Variants in PTPRD observed in about 807,000 individuals in gnomAD.
The protein encoded by PTPRD is receptor-type tyrosine-protein phosphatase delta.
In PTPRD, 34 loss-of-function variants were observed where a neutral mutation model predicts 214.5. The ratio of observed to expected loss-of-function variants is 0.16; its 90% CI spans 0.12 to 0.21. The LOEUF (loss-of-function observed/expected upper bound fraction) is 0.21, where lower values mean the gene tolerates loss of function less well. Among genes scored for constraint, PTPRD ranks in the 10% least tolerant of loss-of-function variants. The pLI is 1.00. For missense variants in PTPRD, 2,545 were observed against 2,398.7 expected, an observed-to-expected ratio of 1.06 and a Z score of -1.27; for synonymous variants, 1,128 against 845.7, an observed-to-expected ratio of 1.33 and a Z score of -5.79.
intron 5 of PTPRD, among the ~76,000 whole-genome samples, chr9:9,866,247 A>T (rs1259145956): frequency 6.6e-6 from 1 of 152,150 alleles, no homozygotes; most frequent in Non-Finnish European, 1.5e-5. Context: ...TCATAGCCTT[A>T]ATCAGTTGTA....
chr9:10,238,032 T>C (rs897787013), intron 3 of PTPRD, among the ~76,000 whole-genome samples: 1 of 119,080 alleles, frequency 8.4e-6, no homozygotes, highest in African/African-American at 2.6e-5. Context: ...TCCCATTTGC[T>C]TTTTTTTTTA....
At chr9:10,451,416 T>C (rs1191534275) in intron 2 of PTPRD, among the ~76,000 whole-genome samples, 1 of 151,864 alleles carries the variant, frequency 6.6e-6, no homozygotes, top group African/African-American at 2.4e-5. Context: ...TGTGGCTTTT[T>C]CTTTTTTAAT....
chr9:8,460,210 T>C (rs953603526), intron 33 of PTPRD: 10 of 675,466 alleles, frequency 1.5e-5, no homozygotes, highest in Admixed American at 5.1e-5. Context: ...CAGAAGTCTA[T>C]ACCAAAACTG....
At chr9:10,480,660 A>T (rs2099092211) in intron 2 of PTPRD, among the ~76,000 whole-genome samples, 1 of 152,074 alleles carries the variant, frequency 6.6e-6, no homozygotes, top group South Asian at 2.1e-4. Context: ...AATAAAAACA[A>T]TTTTACAGAT....
At chr9:9,282,270 A>G (rs1947986012) in intron 9 of PTPRD, among the ~76,000 whole-genome samples, 1 of 151,194 alleles carries the variant, frequency 6.6e-6, no homozygotes, top group Non-Finnish European at 1.5e-5. Flanking sequence ...ATGCTACCAA[A>G]TGTACCATTC....
intron 39 of PTPRD, among the ~76,000 whole-genome samples, chr9:8,350,165 A>G (rs1186962303): frequency 6.6e-6 from 1 of 152,176 alleles, no homozygotes; most frequent in Non-Finnish European, 1.5e-5. Flanking sequence ...TAATGTGCAA[A>G]AAGAAAAAAT....
At chr9:9,503,451 C>A (rs2096485043) in intron 8 of PTPRD, among the ~76,000 whole-genome samples, 1 of 151,630 alleles carries the variant, frequency 6.6e-6, no homozygotes, top group African/African-American at 2.4e-5. Flanking sequence ...CAATAGGGGG[C>A]TTAGGTTCAA....
intron 3 of PTPRD, among the ~76,000 whole-genome samples, chr9:10,222,220 CT>C (rs1282601576): frequency 6.6e-6 from 1 of 151,956 alleles, no homozygotes; most frequent in Non-Finnish European, 1.5e-5. Context: ...ACAACTTTTC[CT>C]GCTATGAGAG....
intron 2 of PTPRD, among the ~76,000 whole-genome samples, chr9:10,357,945 A>G (rs7867676): frequency 3.3e-5 from 5 of 152,122 alleles, no homozygotes; most frequent in African/African-American, 1.2e-4. Context: ...TCCAAGCTAA[A>G]GCAATATTGA....
chr9:8,754,197 G>GAATT (rs1221859926), intron 11 of PTPRD, among the ~76,000 whole-genome samples: 4 of 152,104 alleles, frequency 2.6e-5, no homozygotes, highest in African/African-American at 9.7e-5. Context: ...GTTTATCTAT[G>GAATT]AATTCACTGT....
intron 14 of PTPRD, among the ~76,000 whole-genome samples, chr9:8,594,682 G>C (rs908991101): frequency 1.8e-4 from 27 of 151,992 alleles, no homozygotes; most frequent in Non-Finnish European, 2.6e-4. Flanking sequence ...CTCTCGCTCT[G>C]TCTTGCCTGC....
At chr9:8,511,979 G>C (rs1011489683) in intron 21 of PTPRD, among the ~76,000 whole-genome samples, 8 of 152,088 alleles carry the variant, frequency 5.3e-5, no homozygotes, top group Non-Finnish European at 8.8e-5. Context: ...TATTAGAAGA[G>C]ATTAATATTT....
chr9:8,321,477 GTGTGTGTGTGTATATATATA>G (rs1443984495), intron 44 of PTPRD, among the ~76,000 whole-genome samples: 23 of 75,384 alleles, frequency 3.1e-4, no homozygotes, highest in African/African-American at 1.0e-3. Context: ...GTGTGTGTGT[GTGTGTGTGTGTATATATATA>G]TATATATATA....
chr9:8,353,876 A>ATATATG (rs2076241589), intron 39 of PTPRD, among the ~76,000 whole-genome samples: 2 of 139,364 alleles, frequency 1.4e-5, no homozygotes, highest in African/African-American at 5.6e-5. Context: ...GTATATATGT[A>ATATATG]TATATGTGTA....
At chr9:8,992,022 G>C (rs898094676) in intron 11 of PTPRD, among the ~76,000 whole-genome samples, 4 of 152,060 alleles carry the variant, frequency 2.6e-5, no homozygotes, top group African/African-American at 7.2e-5. Flanking sequence ...TTGAGAGTGA[G>C]AAGGATGGTG....
chr9:10,197,883 A>G (rs956878574), intron 3 of PTPRD, among the ~76,000 whole-genome samples: 1 of 152,104 alleles, frequency 6.6e-6, no homozygotes, highest in African/African-American at 2.4e-5. Context: ...AGACCCAAAA[A>G]TAGCTTTCAG....
chr9:10,383,542 A>G (rs2097858662), intron 2 of PTPRD, among the ~76,000 whole-genome samples: 1 of 151,858 alleles, frequency 6.6e-6, no homozygotes, highest in Admixed American at 6.6e-5. Flanking sequence ...TTCAGTTGAC[A>G]TCTTCAGCTG....
At chr9:10,202,271 T>C (rs1420408207) in intron 3 of PTPRD, among the ~76,000 whole-genome samples, 1 of 152,006 alleles carries the variant, frequency 6.6e-6, no homozygotes, top group Non-Finnish European at 1.5e-5. Context: ...AATACAGTCA[T>C]AGCATCCTCA....
chr9:8,816,814 G>A (rs1302364224), intron 11 of PTPRD, among the ~76,000 whole-genome samples: 1 of 152,112 alleles, frequency 6.6e-6, no homozygotes, highest in African/African-American at 2.4e-5. Flanking sequence ...AGAAGAAAGG[G>A]AATTTTACCT....
Sources: allele counts gnomAD v4.1 joint callset (sites outside exome capture counted in the v4.1 genomes callset), GRCh38; gene constraint gnomAD v4.1.1; transcripts MANE v1.5; gene names NCBI Gene and HGNC (gene_info 2026-07-23, HGNC 2026-07-21).